Variants in HSP90AA1 observed in about 807,000 individuals in gnomAD.
The protein encoded by HSP90AA1 is heat shock protein 90 alpha family class A member 1, also known as heat shock protein HSP 90-alpha.
In HSP90AA1, 18 loss-of-function variants were observed where a neutral mutation model predicts 73.3. The ratio of observed to expected loss-of-function variants is 0.25; its 90% CI spans 0.17 to 0.36. The LOEUF is 0.36. HSP90AA1 is among the 10% of genes least tolerant of loss of function. The pLI is 1.00. For synonymous variants in HSP90AA1, 477 were observed against 296.9 expected, an observed-to-expected ratio of 1.61 and a Z score of -6.24; for missense variants, 704 against 874.2, an observed-to-expected ratio of 0.81 and a Z score of 2.45.
At chr14:102,081,843 C>G in intron 10 of HSP90AA1, 22 bp from the exon 11 acceptor site, 1 of 1,126,648 alleles carries the variant, frequency 8.9e-7, no homozygotes, top group Non-Finnish European at 1.4e-6. Flanking sequence ...ATAAAATCCT[C>G]ATATTACAAA....
intron 1 of HSP90AA1, 22 bp downstream of exon 1, chr14:102,086,964 G>A (rs2049257132): frequency 4.1e-6 from 4 of 983,472 alleles, no homozygotes; most frequent in Non-Finnish European, 4.8e-6. Flanking sequence ...CACCTCCACA[G>A]GCCCCCACAA....
chr14:102,136,567 CA>C (rs1165638280), intron 1 of HSP90AA1, among the ~76,000 whole-genome samples: 688 of 53,228 alleles, frequency 0.013, 11 homozygotes, highest in East Asian at 0.073. Flanking sequence ...AGACTCGTCT[CA>C]AAAAAAAAAA....
chr14:102,129,231 G>A (rs2049876300), intron 1 of HSP90AA1, among the ~76,000 whole-genome samples: 2 of 150,164 alleles, frequency 1.3e-5, no homozygotes, highest in Admixed American at 1.3e-4. Flanking sequence ...CTGCCTCCAG[G>A]GTTCAAGCAA....
chr14:102,085,517 A>T (rs141042198), intron 3 of HSP90AA1, 86 bp from the exon 4 acceptor site: 13 of 1,397,112 alleles, frequency 9.3e-6, no homozygotes, highest in East Asian at 2.3e-5. Flanking sequence ...GTGTCTATAA[A>T]GCAAGGTTTG....
At chr14:102,087,114 C>G, upstream of HSP90AA1, 1 of 984,600 alleles carries the variant, frequency 1.0e-6, no homozygotes, top group Non-Finnish European at 1.2e-6. Flanking sequence ...TTTCCAGAAG[C>G]CTCCCGAACC....
intron 6 of HSP90AA1, 58 bp from the exon 7 acceptor site, chr14:102,084,041 G>T (rs2049160865): frequency 8.0e-7 from 1 of 1,254,086 alleles, no homozygotes; most frequent in Admixed American, 1.8e-5. Context: ...CTGGTACTAT[G>T]TAAACTCCCA....
At chr14:102,104,808 CAT>C (rs1172756029) in intron 1 of HSP90AA1, among the ~76,000 whole-genome samples, 3 of 152,040 alleles carry the variant, frequency 2.0e-5, no homozygotes, top group African/African-American at 7.2e-5. Context: ...TTAGCTCTCA[CAT>C]ATGAGTGAGA....
At chr14:102,098,791 G>A (rs952070535) in intron 2 of HSP90AA1, among the ~76,000 whole-genome samples, 4 of 151,982 alleles carry the variant, frequency 2.6e-5, no homozygotes, top group African/African-American at 7.3e-5. Context: ...CGCCTCCGGG[G>A]TTCAAGTGAT....
At position 102,086,210 on chromosome 14, in the gene HSP90AA1, G is replaced by T. The variant is rs750795294; in HGVS notation, c.162+7C>A. 4 of 1,614,142 alleles carry T rather than the reference G, an allele frequency of 2.5e-6. No individual in the cohort carries two copies. The East Asian group carries it at 8.9e-5, about 36-fold the overall frequency. ...AAAATCCGATTCTGGGTTAATAAGT[G>T]ACTTACATCTGATGAATTTGAAATG... On this transcript the variant is annotated splice_region_variant and intron_variant, in intron 2 of 10. Transcript: ENST00000216281.
intron 1 of HSP90AA1, among the ~76,000 whole-genome samples, chr14:102,109,215 C>T (rs963345979): frequency 1.3e-5 from 2 of 152,156 alleles, no homozygotes; most frequent in Non-Finnish European, 2.9e-5. Context: ...TTACACAATA[C>T]GTACTCTCAT....
chr14:102,083,832 G>A lies in HSP90AA1; in HGVS notation c.1299C>T (p.Asn433=). Residue 433 remains asparagine (N), a synonymous_variant, in exon 7 of 11, where the codon AAC becomes AAT. Transcript: ENST00000216281. The stretch of plus-strand genomic sequence containing the variant: ...AGAACTGCTCATAGAATTTCTTGTA[G>A]TTCTCTTTATCTTCCGCCAGTTCAG... ...LFTELAEDKE[N]YKKFYEQFSK... is the part of the protein sequence containing the mutation. 6.2e-7 allele frequency: 1 copy of A among 1,612,936 alleles called. No homozygotes were observed. Among genetic ancestry groups the A allele is most frequent in the Non-Finnish European group, 8.5e-7 (1 of 1,179,822 alleles).
chr14:102,104,504 C>T (rs1354748603), intron 1 of HSP90AA1, among the ~76,000 whole-genome samples: 4 of 152,058 alleles, frequency 2.6e-5, no homozygotes, highest in African/African-American at 7.2e-5. Flanking sequence ...TGAGCCACTG[C>T]GCCCGGCCTA....
chr14:102,083,360 GCT>G, intron 8 of HSP90AA1, 58 bp from the exon 9 acceptor site: 8 of 1,584,958 alleles, frequency 5.0e-6, no homozygotes, highest in Non-Finnish European at 6.1e-6. Flanking sequence ...GTTTCATCTA[GCT>G]CTGACTTTTC....
chr14:102,130,899 TG>T (rs976717757), intron 1 of HSP90AA1, among the ~76,000 whole-genome samples: 33 of 151,990 alleles, frequency 2.2e-4, no homozygotes, highest in Non-Finnish European at 4.4e-5. Context: ...AAATTTTTTT[TG>T]TAGAGACAAG....
At chr14:102,116,989 A>C (rs1247381799) in intron 1 of HSP90AA1, among the ~76,000 whole-genome samples, 2 of 148,902 alleles carry the variant, frequency 1.3e-5, no homozygotes, top group Non-Finnish European at 3.0e-5. Flanking sequence ...GCCTCTCCCC[A>C]CTCCTGGCAC....
chr14:102,096,463 C>T (rs1219171682), intron 2 of HSP90AA1, among the ~76,000 whole-genome samples: 1 of 152,218 alleles, frequency 6.6e-6, no homozygotes, highest in African/African-American at 2.4e-5. Flanking sequence ...CCGATCATCT[C>T]TTCATGCTGG....
At chr14:102,106,177 T>C (rs1197763532) in intron 1 of HSP90AA1, among the ~76,000 whole-genome samples, 1 of 152,214 alleles carries the variant, frequency 6.6e-6, no homozygotes, top group Non-Finnish European at 1.5e-5. Context: ...TGTGTATTGG[T>C]AGAGCCTGGC....
chr14:102,083,334 T>G (rs1474419855), intron 8 of HSP90AA1, 32 bp from the exon 9 acceptor site: 7 of 1,611,852 alleles, frequency 4.3e-6, no homozygotes, highest in Non-Finnish European at 4.2e-6. Flanking sequence ...TTTAGACCTT[T>G]TAACAGTTAA....
chr14:102,119,837 C>A (rs895950520), intron 1 of HSP90AA1, among the ~76,000 whole-genome samples: 1 of 151,988 alleles, frequency 6.6e-6, no homozygotes, highest in South Asian at 2.1e-4. Context: ...AGCAGTAATC[C>A]GTGGAATGAT....
Sources: gnomAD v4.1 joint callset for allele counts (sites outside exome capture counted in the v4.1 genomes callset) on GRCh38, gnomAD v4.1.1 for gene constraint, MANE v1.5 for transcripts, NCBI Gene and HGNC (gene_info 2026-07-23, HGNC 2026-07-21) for gene names.